The following FHL2 variants were observed in gnomAD, a reference collection of about 807,000 sequenced individuals.
The protein encoded by FHL2 is four and a half LIM domains 2, also known as four and a half LIM domains protein 2.
FHL2 carries 20 observed loss-of-function variants against 32.7 expected under a neutral mutation model. The ratio of observed to expected loss-of-function variants is 0.61; its 90% confidence interval spans 0.43 to 0.89. The LOEUF is 0.89. FHL2 is among the 40% of genes least tolerant of loss of function. The pLI is 0.00. For missense variants in FHL2, 311 were observed against 358.6 expected, an observed-to-expected ratio of 0.87 and a Z score of 1.07; for synonymous variants, 123 against 128.1, an observed-to-expected ratio of 0.96 and a Z score of 0.27.
In FHL2 at chr2:105,420,866, G is replaced by T. The variant is rs555602466; in HGVS notation, c.-25+17533C>A. 5.1e-3 allele frequency among the ~76,000 whole-genome samples: 770 copies of T among 152,304 alleles called. 6 individuals carry two copies. Among genetic ancestry groups the T allele is most frequent in the African/African-American group, 0.018 (730 of 41,560 alleles). ...CTGACAGGAGGTGGAGCTCAGTGGG[G>T]AATGCTTCTCGCCTGCTGCTCACCT... On this transcript the variant is annotated intron_variant, in intron 1 of 5. Transcript: ENST00000393352.
rs561714865 is a variant in FHL2 at position 105,394,230 on chromosome 2, C to T, written c.-25+2417G>A. Reference sequence around the variant, plus strand: ...GTTTTAAACAGAAATTCTGATAAAACGGAGAGGGCCATCATGTCAAGGAAA... The same window carrying T: ...GTTTTAAACAGAAATTCTGATAAAATGGAGAGGGCCATCATGTCAAGGAAA... On this transcript the variant is annotated intron_variant, in intron 2 of 6. Coordinates refer to ENST00000530340, the MANE Select transcript of FHL2 (RefSeq NM_001318895.3). 7.2e-5 allele frequency among the ~76,000 whole-genome samples: 11 copies of T among 152,122 alleles called. No homozygotes were observed. In the South Asian group the frequency reaches 8.3e-4, roughly 11 times the overall value.
chr2:105,394,417 A>AAT (rs1682973326), intron 2 of FHL2, among the ~76,000 whole-genome samples: 1 of 150,698 alleles, frequency 6.6e-6, no homozygotes, highest in Non-Finnish European at 1.5e-5. Flanking sequence ...AAAAAAAAAA[A>AAT]TTTATATCAG....
At chr2:105,388,291 G>A (rs942451427) in intron 2 of FHL2, among the ~76,000 whole-genome samples, 1 of 152,014 alleles carries the variant, frequency 6.6e-6, no homozygotes, top group African/African-American at 2.4e-5. Flanking sequence ...CTCCATGCCC[G>A]GCACACTGCA....
chr2:105,432,859 A>G (rs1684479955), intron 1 of FHL2, among the ~76,000 whole-genome samples: 1 of 152,248 alleles, frequency 6.6e-6, no homozygotes, highest in African/African-American at 2.4e-5. Flanking sequence ...TGTGCTACGT[A>G]TTGAAAGGTA....
intron 2 of FHL2, among the ~76,000 whole-genome samples, chr2:105,395,862 G>T (rs996583035): frequency 6.6e-6 from 1 of 152,168 alleles, no homozygotes; most frequent in Non-Finnish European, 1.5e-5. Flanking sequence ...TAGTAAAGGC[G>T]TGGGCCACCG....
At chr2:105,386,143 A>G in intron 3 of FHL2, 1 of 494,826 alleles carries the variant, frequency 2.0e-6, no homozygotes, top group Non-Finnish European at 3.5e-6. Context: ...GATACTAAGC[A>G]CAAAAGTCCT....
chr2:105,386,273 TG>T, intron 3 of FHL2, 87 bp downstream of exon 3: 1 of 1,468,564 alleles, frequency 6.8e-7, no homozygotes, highest in Non-Finnish European at 9.3e-7. Flanking sequence ...CAGACTTCAG[TG>T]GTGGATCAGG....
chr2:105,366,209 C>CA (rs1281152108), intron 5 of FHL2, among the ~76,000 whole-genome samples: 26 of 144,900 alleles, frequency 1.8e-4, no homozygotes, highest in Non-Finnish European at 3.8e-4. Flanking sequence ...GATTCTGTCT[C>CA]AAAAAAAGAA....
At chr2:105,380,657 AG>A (rs1681824502) in intron 3 of FHL2, among the ~76,000 whole-genome samples, 1 of 152,230 alleles carries the variant, frequency 6.6e-6, no homozygotes, top group African/African-American at 2.4e-5. Flanking sequence ...AGTGTAACAG[AG>A]ATAGCACTTC....
intron 5 of FHL2, among the ~76,000 whole-genome samples, chr2:105,364,915 A>G (rs985606408): frequency 3.3e-5 from 5 of 152,212 alleles, no homozygotes; most frequent in Non-Finnish European, 7.3e-5. Flanking sequence ...TCTTTTCATT[A>G]AACCATAAAT....
At chr2:105,399,650 G>A, upstream of FHL2, 1 of 1,488,744 alleles carries the variant, frequency 6.7e-7, no homozygotes, top group Non-Finnish European at 8.9e-7. Flanking sequence ...TTCCCCTCCA[G>A]GGCGGGAAAA....
chr2:105,428,744 A>C (rs926713061), intron 1 of FHL2, among the ~76,000 whole-genome samples: 1 of 152,104 alleles, frequency 6.6e-6, no homozygotes, highest in African/African-American at 2.4e-5. Flanking sequence ...CCCTCACTGG[A>C]GCACTCTGAG....
intron 3 of FHL2, among the ~76,000 whole-genome samples, chr2:105,382,171 C>T (rs1253368597): frequency 6.6e-6 from 1 of 152,208 alleles, no homozygotes; most frequent in East Asian, 1.9e-4. Context: ...TTCCTATTAG[C>T]TACAAAAGCT....
At chr2:105,410,752 T>G (rs914388812) in intron 1 of FHL2, among the ~76,000 whole-genome samples, 3 of 152,166 alleles carry the variant, frequency 2.0e-5, no homozygotes, top group African/African-American at 4.8e-5. Context: ...GCTGGAGACC[T>G]GAGGTGTCCA....
intron 5 of FHL2, among the ~76,000 whole-genome samples, chr2:105,363,924 G>T (rs1257222445): frequency 6.6e-6 from 1 of 152,184 alleles, no homozygotes; most frequent in Non-Finnish European, 1.5e-5. Flanking sequence ...CAGGAAGTGA[G>T]GGTGATGAGG....
chr2:105,400,487 G>T (rs1202877079), upstream of FHL2, among the ~76,000 whole-genome samples: 2 of 152,008 alleles, frequency 1.3e-5, no homozygotes, highest in South Asian at 4.1e-4. Context: ...TTGAAATTCA[G>T]AGCAAAGTTT....
intron 1 of FHL2, among the ~76,000 whole-genome samples, chr2:105,410,329 G>A (rs1472168602): frequency 6.6e-6 from 1 of 152,182 alleles, no homozygotes; most frequent in Admixed American, 6.5e-5. Flanking sequence ...CTTTCCCCAA[G>A]CAGATAACCC....
At chr2:105,385,016 A>G (rs112009850) in intron 3 of FHL2, among the ~76,000 whole-genome samples, 1 of 152,254 alleles carries the variant, frequency 6.6e-6, no homozygotes, top group Non-Finnish European at 1.5e-5. Flanking sequence ...GACAGGATAC[A>G]GGAAGATACA....
At position 105,363,454 on chromosome 2, in the gene FHL2, C is replaced by G. The variant is rs1434831691; in HGVS notation, c.519G>C (p.Gly173=). 1 of 1,609,752 alleles carries G rather than the reference C, an allele frequency of 6.2e-7. No individual in the cohort carries two copies. Residue 173 remains glycine (G), a synonymous_variant, in exon 6 of 7, where the codon GGG becomes GGC. Transcript: ENST00000530340. The part of the protein sequence containing the change: ...VQCKKPITTG[G]VTYREQPWHK... ...GCCAGGGCTGCTCCCGGTAAGTGAC[C>G]CCTCCCGTGGTGATGGGCTGCAGGG...
Sources: allele counts gnomAD v4.1 joint callset (sites outside exome capture counted in the v4.1 genomes callset), GRCh38; gene constraint gnomAD v4.1.1; transcripts MANE v1.5; gene names NCBI Gene and HGNC (gene_info 2026-07-23, HGNC 2026-07-21).